Variants in ZNF454 observed in about 807,000 individuals in gnomAD.
ZNF454 encodes zinc finger protein 454.
Under a neutral mutation model 48.2 loss-of-function variants are expected in ZNF454, and 30 were observed. That is an observed-to-expected ratio of 0.62 (90% CI 0.47 to 0.84). The LOEUF (loss-of-function observed/expected upper bound fraction) is 0.84, where lower values mean the gene tolerates loss of function less well. Ranked by LOEUF, ZNF454 falls within the 40% of genes least tolerant of loss-of-function variation. The pLI is 0.00. For missense variants in ZNF454, 510 were observed against 623.1 expected (o/e 0.82, Z 1.93); for synonymous variants, 204 against 211.4 (o/e 0.97, Z 0.30).
chr5:178,970,164 T>G (rs1760217400), downstream of ZNF454, among the ~76,000 whole-genome samples: 1 of 152,168 alleles, frequency 6.6e-6, no homozygotes, highest in Non-Finnish European at 1.5e-5. Context: ...AGAAAACAAT[T>G]TAATTCAAAA....
intron 4 of ZNF454, among the ~76,000 whole-genome samples, chr5:178,964,144 G>A (rs1241192354): frequency 4.0e-5 from 6 of 149,248 alleles, no homozygotes; most frequent in Non-Finnish European, 7.4e-5. Context: ...TTTTTGAGAC[G>A]GAGTCTCACT....
the ZNF454 span, among the ~76,000 whole-genome samples, chr5:178,982,379 A>T: frequency 6.6e-6 from 1 of 152,106 alleles, no homozygotes; most frequent in Non-Finnish European, 1.5e-5. Flanking sequence ...AGAATTTGAG[A>T]CCAGTCTGAC....
the ZNF454 span, among the ~76,000 whole-genome samples, chr5:178,984,423 G>C: frequency 6.6e-6 from 1 of 152,238 alleles, no homozygotes; most frequent in East Asian, 1.9e-4. Context: ...AAGCCACAGT[G>C]AGATGCCATT....
At chr5:178,961,637 G>T (rs1561706763) in intron 4 of ZNF454, among the ~76,000 whole-genome samples, 1 of 151,336 alleles carries the variant, frequency 6.6e-6, no homozygotes, top group Non-Finnish European at 1.5e-5. Flanking sequence ...GCAACACGGT[G>T]AAACCCTGTC....
chr5:178,964,475 G>A (rs1760083434), intron 4 of ZNF454, among the ~76,000 whole-genome samples, 180 bp from the exon 5 acceptor site: 1 of 152,122 alleles, frequency 6.6e-6, no homozygotes, highest in South Asian at 2.1e-4. Context: ...CATTATACAT[G>A]AGATCAACCC....
At chr5:178,985,857 G>A in the ZNF454 span, 1 of 546,642 alleles carries the variant, frequency 1.8e-6, no homozygotes, top group East Asian at 3.5e-5. Context: ...CAACTCTTGG[G>A]CTCAAGCGAT....
downstream of ZNF454, chr5:178,969,651 A>G (rs745464299): frequency 5.5e-5 from 25 of 456,586 alleles, no homozygotes; most frequent in South Asian, 4.6e-5. Flanking sequence ...TGACCTTCAC[A>G]TGAGGCCAGT....
At chr5:178,952,519 C>T (rs1219530245) in intron 4 of ZNF454, among the ~76,000 whole-genome samples, 1 of 152,164 alleles carries the variant, frequency 6.6e-6, no homozygotes, top group Non-Finnish European at 1.5e-5. Flanking sequence ...CTATAGCCTA[C>T]CGTGTCTCTT....
At chr5:178,986,541 G>T in the ZNF454 span, 1 of 1,607,580 alleles carries the variant, frequency 6.2e-7, no homozygotes. Flanking sequence ...GTGTGGGGCG[G>T]CAGCCCGTGT....
rs1759433033 is a variant in ZNF454, at chr5:178,948,637, T to C, written c.250+1651T>C. Reference sequence around the variant, plus strand: ...CACACTCTGTTCCCGCAGGCATGATTTCTGAGTTTCGTGGAGATGCCGCAC... The same window carrying C: ...CACACTCTGTTCCCGCAGGCATGATCTCTGAGTTTCGTGGAGATGCCGCAC... On this transcript the variant is annotated intron_variant, in intron 4 of 4. Coordinates refer to ENST00000519564, the MANE Select transcript of ZNF454 (RefSeq NM_001178089.3). 2.0e-5 allele frequency among the ~76,000 whole-genome samples: 3 copies of C among 152,134 alleles called. No homozygotes were observed. The South Asian group carries it at 6.2e-4, about 32-fold the overall frequency.
downstream of ZNF454, chr5:178,969,051 A>C (rs1760205374): frequency 2.7e-6 from 1 of 366,962 alleles, no homozygotes; most frequent in Admixed American, 3.5e-5. Flanking sequence ...AAAGTACGTC[A>C]CTGGCCTATT....
In ZNF454 at chr5:178,946,213, G is replaced by A; in HGVS notation, c.34-146G>A. The stretch of plus-strand genomic sequence containing the variant: ...CTAGGCCCCTAGGAGACCCTGAAGA[G>A]TGATGAACTTGTCACAGAACGCCAG... On this transcript the variant is annotated intron_variant, in intron 2 of 4. Coordinates refer to ENST00000519564, the MANE Select transcript of ZNF454 (RefSeq NM_001178089.3). The surrounding 1 kb of genome is among the most constrained non-coding windows in gnomAD (Gnocchi z 4.5). 9.8e-7 allele frequency: 1 copy of A among 1,021,482 alleles called. No homozygotes were observed. Among genetic ancestry groups the A allele is most frequent in the South Asian group, 1.6e-5 (1 of 61,628 alleles). 63.3% of individuals were successfully genotyped at this position (1,021,482 alleles called of 1,614,324 possible).
At chr5:178,982,159 T>C in the ZNF454 span, among the ~76,000 whole-genome samples, 1 of 152,116 alleles carries the variant, frequency 6.6e-6, no homozygotes, top group Non-Finnish European at 1.5e-5. Context: ...AATGAATAAA[T>C]GGGCAGAGAC....
chr5:178,975,565 C>A, the ZNF454 span: 1 of 259,976 alleles, frequency 3.8e-6, no homozygotes, highest in Non-Finnish European at 8.2e-6. Flanking sequence ...CAGAGTGGTC[C>A]TTTTGTTCAT....
downstream of ZNF454, among the ~76,000 whole-genome samples, chr5:178,968,246 T>C (rs954350837): frequency 8.6e-5 from 13 of 152,042 alleles, no homozygotes; most frequent in Admixed American, 8.5e-4. Context: ...CAAGCAAATT[T>C]TTCTGGAAAG....
downstream of ZNF454, among the ~76,000 whole-genome samples, chr5:178,968,334 C>T (rs1760196891): frequency 6.6e-6 from 1 of 152,126 alleles, no homozygotes; most frequent in African/African-American, 2.4e-5. Flanking sequence ...AATGGAGCAC[C>T]TCACCCCCAT....
At chr5:178,970,991 G>A (rs552812400), downstream of ZNF454, among the ~76,000 whole-genome samples, 5 of 152,292 alleles carry the variant, frequency 3.3e-5, no homozygotes, top group South Asian at 4.1e-4. Context: ...TCCCATCACC[G>A]GGGCCAGCAG....
chr5:178,963,470 C>T (rs986028771), intron 4 of ZNF454, among the ~76,000 whole-genome samples: 1 of 151,652 alleles, frequency 6.6e-6, no homozygotes, highest in South Asian at 2.1e-4. Flanking sequence ...AAAATGATAC[C>T]AGGAGTGCCT....
the ZNF454 span, among the ~76,000 whole-genome samples, chr5:178,971,578 G>T: frequency 6.6e-6 from 1 of 151,968 alleles, no homozygotes; most frequent in African/African-American, 2.4e-5. Flanking sequence ...GGCTGGGCGC[G>T]GTGGCCATGC....
Sources: allele counts gnomAD v4.1 joint callset (sites outside exome capture counted in the v4.1 genomes callset), GRCh38; gene constraint gnomAD v4.1.1; non-coding constraint Gnocchi (gnomAD v3.1); transcripts MANE v1.5; gene names NCBI Gene and HGNC (gene_info 2026-07-23, HGNC 2026-07-21).